APIP: variants seen among roughly 807,000 people sequenced by gnomAD.
The protein encoded by APIP is APAF1 interacting protein.
A neutral mutation model predicts 32.0 loss-of-function variants in APIP; 32 were observed. The ratio of observed to expected loss-of-function variants is 1.00; its 90% CI spans 0.76 to 1.34. APIP has a LOEUF of 1.34. Ranked by LOEUF, APIP falls within the 40% of genes most tolerant of loss-of-function variation. The probability of loss-of-function intolerance (pLI) is 0.00; values close to 1 mark genes in which losing one functional copy is unlikely to be tolerated. For synonymous variants in APIP, 92 were observed against 94.8 expected (o/e 0.97, Z 0.17); for missense variants, 247 against 298.6 (o/e 0.83, Z 1.27).
intron 1 of APIP, among the ~76,000 whole-genome samples, chr11:34,906,569 G>A (rs1322568456): frequency 6.6e-6 from 1 of 152,210 alleles, no homozygotes; most frequent in Non-Finnish European, 1.5e-5. Context: ...AGGTACCATA[G>A]AGGCACGACA....
In APIP at chr11:34,899,128, C is replaced by T. The variant is rs113327010; in HGVS notation, c.58-4018G>A. Among the ~76,000 whole-genome samples, 831 of 152,216 alleles carry T rather than the reference C, an allele frequency of 5.5e-3. 12 individuals are homozygous for T. Among genetic ancestry groups the T allele is most frequent in the African/African-American group, 0.019 (797 of 41,538 alleles). On this transcript the variant is annotated intron_variant, in intron 1 of 6. Coordinates refer to ENST00000395787, the MANE Select transcript of APIP (RefSeq NM_015957.4). ...TAGTGATCCACCTGCCTCGGCCTCC[C>T]AAAGTGCTGGGATTACAGGCGTGAG...
intron 2 of APIP, 127 bp from the exon 3 acceptor site, chr11:34,890,679 T>C: frequency 1.0e-6 from 1 of 985,408 alleles, no homozygotes; most frequent in Admixed American, 2.6e-5. Context: ...GATTTAATTA[T>C]GGATTTTGGC....
At chr11:34,909,020 T>C (rs1853499644) in intron 1 of APIP, among the ~76,000 whole-genome samples, 1 of 152,048 alleles carries the variant, frequency 6.6e-6, no homozygotes, top group Non-Finnish European at 1.5e-5. Flanking sequence ...CGAAAGAGGC[T>C]GAAAGGCAGT....
At chr11:34,910,648 T>C (rs921237631) in intron 1 of APIP, among the ~76,000 whole-genome samples, 5 of 152,228 alleles carry the variant, frequency 3.3e-5, no homozygotes, top group African/African-American at 1.2e-4. Context: ...ATAATACCAC[T>C]GATAATAAGA....
chr11:34,916,147 C>T (rs1853680075), intron 1 of APIP, 81 bp downstream of exon 1: 1 of 1,538,956 alleles, frequency 6.5e-7, no homozygotes, highest in Non-Finnish European at 8.8e-7. Flanking sequence ...CGGCCCGCTA[C>T]CCTGCGCCCA....
intron 1 of APIP, among the ~76,000 whole-genome samples, chr11:34,906,761 A>G (rs1256523459): frequency 6.6e-6 from 1 of 152,216 alleles, no homozygotes; most frequent in Admixed American, 6.5e-5. Flanking sequence ...AATCATTAAG[A>G]GGCTACAAGA....
rs769228399 is a variant in APIP at position 34,916,341 on chromosome 11, C to T, written c.-57G>A. The T allele has an allele frequency of 5.6e-6, 9 of 1,597,926 alleles. No homozygotes were observed. In the South Asian group the frequency reaches 9.0e-5, roughly 16 times the overall value. ...TCTCCGCACGGCTTTGCGCGCGGCG[C>T]TTAGCCTGGGATACGGCAGCGAGGC... is the stretch of plus-strand genomic sequence containing the variant. On this transcript the variant is annotated 5_prime_UTR_variant, in exon 1 of 7. Coordinates refer to ENST00000395787, the MANE Select transcript of APIP (RefSeq NM_015957.4).
At chr11:34,893,654 A>G (rs1036427402) in intron 2 of APIP, among the ~76,000 whole-genome samples, 1 of 152,226 alleles carries the variant, frequency 6.6e-6, no homozygotes, top group African/African-American at 2.4e-5. Flanking sequence ...ACATAATCTT[A>G]CTAGACTGAG....
At chr11:34,896,375 T>C (rs1193141637) in intron 1 of APIP, among the ~76,000 whole-genome samples, 1 of 152,108 alleles carries the variant, frequency 6.6e-6, no homozygotes, top group Non-Finnish European at 1.5e-5. Flanking sequence ...ATATACACAA[T>C]GGAATACTAT....
intron 4 of APIP, 71 bp from the exon 5 acceptor site, chr11:34,888,499 T>C (rs1054254076): frequency 6.4e-6 from 10 of 1,565,290 alleles, no homozygotes; most frequent in Admixed American, 2.1e-5. Flanking sequence ...AAAAAGTCCA[T>C]ATAGTTATAC....
chr11:34,912,254 T>C (rs1028579753), intron 1 of APIP, among the ~76,000 whole-genome samples: 3 of 152,130 alleles, frequency 2.0e-5, no homozygotes, highest in Admixed American at 6.5e-5. Flanking sequence ...CAAATGATAA[T>C]AAAAATTATT....
At chr11:34,900,713 A>C (rs918446461) in intron 1 of APIP, among the ~76,000 whole-genome samples, 1 of 152,108 alleles carries the variant, frequency 6.6e-6, no homozygotes, top group African/African-American at 2.4e-5. Context: ...GAAGAAGTGG[A>C]AACTCCATTC....
intron 1 of APIP, among the ~76,000 whole-genome samples, chr11:34,905,125 A>T (rs1302397415): frequency 6.6e-6 from 1 of 152,276 alleles, no homozygotes; most frequent in African/African-American, 2.4e-5. Context: ...CAGACAGATA[A>T]TCTCAATTAC....
At chr11:34,908,974 A>C (rs1401565716) in intron 1 of APIP, among the ~76,000 whole-genome samples, 1 of 152,172 alleles carries the variant, frequency 6.6e-6, no homozygotes, top group Non-Finnish European at 1.5e-5. Flanking sequence ...ATGTGATAAG[A>C]GTCTGTTTTG....
intron 6 of APIP, 145 bp downstream of exon 6, chr11:34,883,192 C>T: frequency 1.1e-6 from 1 of 881,722 alleles, no homozygotes; most frequent in East Asian, 2.9e-5. Context: ...CCAATCAATA[C>T]TTCTTCATGA....
intron 5 of APIP, among the ~76,000 whole-genome samples, chr11:34,883,912 T>G (rs563877210): frequency 6.6e-6 from 1 of 152,356 alleles, no homozygotes; most frequent in African/African-American, 2.4e-5. Context: ...TCCCAATTAA[T>G]ACAAAATCAC....
intron 1 of APIP, among the ~76,000 whole-genome samples, chr11:34,915,001 CAAAAAAAAAAAAAAAA>C (rs33914497): frequency 2.6e-5 from 2 of 76,384 alleles, no homozygotes; most frequent in Non-Finnish European, 5.3e-5. Flanking sequence ...CAAAACGTGT[CAAAAAAAAAAAAAAAA>C]AAAAAAAAAG....
intron 1 of APIP, among the ~76,000 whole-genome samples, chr11:34,896,110 G>C (rs985445525): frequency 7.2e-5 from 11 of 152,188 alleles, no homozygotes; most frequent in African/African-American, 2.4e-4. Flanking sequence ...ATAGATGCTG[G>C]AGAGGATGTG....
At chr11:34,890,015 G>C (rs1007446528) in intron 3 of APIP, among the ~76,000 whole-genome samples, 4 of 151,838 alleles carry the variant, frequency 2.6e-5, no homozygotes, top group African/African-American at 9.7e-5. Context: ...TCTTGCATTA[G>C]AAGTTAAATA....
Sources: gnomAD v4.1 joint callset for allele counts (sites outside exome capture counted in the v4.1 genomes callset) on GRCh38, gnomAD v4.1.1 for gene constraint, MANE v1.5 for transcripts, NCBI Gene and HGNC (gene_info 2026-07-23, HGNC 2026-07-21) for gene names.